LINGO2: variants seen among roughly 807,000 people sequenced by gnomAD.
LINGO2 encodes leucine rich repeat and Ig domain containing 2.
In LINGO2, 14 loss-of-function variants were observed where a neutral mutation model predicts 30.6. The observed-to-expected ratio is 0.46, with a 90% CI of 0.30 to 0.72. The LOEUF is 0.72. Among genes scored for constraint, LINGO2 ranks in the 30% least tolerant of loss-of-function variants. LINGO2 has a pLI of 0.07. For synonymous variants in LINGO2, 317 were observed against 288.5 expected (o/e 1.10, Z -1.00); for missense variants, 729 against 751.7 (o/e 0.97, Z 0.35).
chr9:28,867,483 A>C, the LINGO2 span, among the ~76,000 whole-genome samples: 1 of 151,758 alleles, frequency 6.6e-6, no homozygotes, highest in African/African-American at 2.4e-5. Context: ...TTTCAAGTAA[A>C]GAAAAAAAAA....
At chr9:29,154,555 T>A in the LINGO2 span, among the ~76,000 whole-genome samples, 2 of 151,824 alleles carry the variant, frequency 1.3e-5, no homozygotes, top group African/African-American at 4.8e-5. Flanking sequence ...ATACTAAAAG[T>A]AGGATGCCAT....
chr9:29,190,834 C>G, the LINGO2 span, among the ~76,000 whole-genome samples: 2 of 152,106 alleles, frequency 1.3e-5, no homozygotes, highest in African/African-American at 2.4e-5. Flanking sequence ...ATGGCATTGT[C>G]TCCAATTTTA....
chr9:28,313,668 A>C (rs988101454), intron 3 of LINGO2, among the ~76,000 whole-genome samples: 1 of 152,166 alleles, frequency 6.6e-6, no homozygotes, highest in Non-Finnish European at 1.5e-5. Flanking sequence ...ATCAAATTCT[A>C]TTTTGAAGAA....
At chr9:28,126,683 C>A (rs1827244865) in intron 4 of LINGO2, among the ~76,000 whole-genome samples, 1 of 152,204 alleles carries the variant, frequency 6.6e-6, no homozygotes, top group Non-Finnish European at 1.5e-5. Context: ...TAGAGACTTG[C>A]AATATGCATT....
chr9:28,400,045 C>T (rs1002407), intron 2 of LINGO2, among the ~76,000 whole-genome samples: 53,055 of 151,946 alleles, frequency 0.35, 9,687 homozygotes, highest in Middle Eastern at 0.47. Context: ...AAGCAAATAA[C>T]AGTGGCAGGT....
chr9:28,084,747 A>T (rs1312089709), intron 4 of LINGO2, among the ~76,000 whole-genome samples: 1 of 152,158 alleles, frequency 6.6e-6, no homozygotes, highest in East Asian at 1.9e-4. Flanking sequence ...GTGTCATACC[A>T]AAAGTATGGT....
chr9:28,220,067 T>A (rs1263180462), intron 4 of LINGO2, among the ~76,000 whole-genome samples: 1 of 152,164 alleles, frequency 6.6e-6, no homozygotes, highest in African/African-American at 2.4e-5. Flanking sequence ...ACAACTTACA[T>A]AGAGTTTACA....
chr9:28,047,094 TAA>T (rs1824457362), intron 4 of LINGO2, among the ~76,000 whole-genome samples: 1 of 152,046 alleles, frequency 6.6e-6, no homozygotes, highest in Non-Finnish European at 1.5e-5. Context: ...GTAAATAGAT[TAA>T]GAGAGCAATC....
the LINGO2 span, among the ~76,000 whole-genome samples, chr9:28,907,134 T>C: frequency 3.3e-5 from 5 of 151,932 alleles, no homozygotes; most frequent in African/African-American, 1.2e-4. Context: ...TGATTTTCTA[T>C]GATCTGTATA....
intron 2 of LINGO2, among the ~76,000 whole-genome samples, chr9:28,411,885 A>G (rs984863127): frequency 3.3e-5 from 5 of 152,084 alleles, no homozygotes; most frequent in African/African-American, 9.7e-5. Context: ...TCCCATTAAC[A>G]GTGTACAAAG....
the LINGO2 span, among the ~76,000 whole-genome samples, chr9:29,018,956 GA>G: frequency 1.3e-5 from 2 of 152,132 alleles, no homozygotes; most frequent in African/African-American, 4.8e-5. Flanking sequence ...TTTATTTTCT[GA>G]AATATGATCT....
chr9:28,369,884 T>C (rs535284477), intron 3 of LINGO2, among the ~76,000 whole-genome samples: 1 of 152,312 alleles, frequency 6.6e-6, no homozygotes, highest in South Asian at 2.1e-4. Context: ...CTTTAATTAA[T>C]AATCATTGTA....
chr9:29,081,773 T>C, the LINGO2 span, among the ~76,000 whole-genome samples: 3 of 152,074 alleles, frequency 2.0e-5, no homozygotes, highest in African/African-American at 7.2e-5. Flanking sequence ...TCACAAGCAT[T>C]CTTATACACC....
the LINGO2 span, among the ~76,000 whole-genome samples, chr9:29,205,952 T>C: frequency 6.6e-6 from 1 of 152,352 alleles, no homozygotes; most frequent in African/African-American, 2.4e-5. Flanking sequence ...GATATGTTTT[T>C]CTGTACATTT....
chr9:28,528,371 G>C (rs1259207181), intron 1 of LINGO2, among the ~76,000 whole-genome samples: 1 of 152,100 alleles, frequency 6.6e-6, no homozygotes, highest in African/African-American at 2.4e-5. Flanking sequence ...GGAGGTCTAT[G>C]GTCTAGTTTC....
chr9:28,649,525 A>C (rs576232395), intron 1 of LINGO2, among the ~76,000 whole-genome samples: 19 of 152,234 alleles, frequency 1.2e-4, no homozygotes, highest in Non-Finnish European at 2.4e-4. Context: ...ACAATAAATA[A>C]ATACATACAT....
At chr9:28,946,771 T>A in the LINGO2 span, among the ~76,000 whole-genome samples, 1 of 152,128 alleles carries the variant, frequency 6.6e-6, no homozygotes, top group East Asian at 1.9e-4. Context: ...GAAATGGTGC[T>A]ATTACCAATA....
At chr9:28,260,852 T>C (rs1822540273) in intron 4 of LINGO2, among the ~76,000 whole-genome samples, 1 of 152,014 alleles carries the variant, frequency 6.6e-6, no homozygotes, top group Non-Finnish European at 1.5e-5. Flanking sequence ...TGGGGTTTTA[T>C]AAATCAACTG....
the LINGO2 span, among the ~76,000 whole-genome samples, chr9:29,057,042 T>G: frequency 6.6e-6 from 1 of 152,220 alleles, no homozygotes; most frequent in Admixed American, 6.5e-5. Context: ...GTTCTATTTG[T>G]TTAGTCTTGC....
Sources: gnomAD v4.1 joint callset for allele counts (sites outside exome capture counted in the v4.1 genomes callset) on GRCh38, gnomAD v4.1.1 for gene constraint, MANE v1.5 for transcripts, NCBI Gene and HGNC (gene_info 2026-07-23, HGNC 2026-07-21) for gene names.